TEP1: variants seen among roughly 807,000 people sequenced by gnomAD.
The protein encoded by TEP1 is telomerase protein component 1.
A neutral mutation model predicts 306.3 loss-of-function variants in TEP1; 241 were observed. The observed-to-expected ratio is 0.79, with a 90% CI of 0.71 to 0.88. The LOEUF (loss-of-function observed/expected upper bound fraction) is 0.88. Among genes scored for constraint, TEP1 ranks in the 40% least tolerant of loss-of-function variants. The pLI, the probability that TEP1 is intolerant of heterozygous loss-of-function variation, is 0.00. For synonymous variants in TEP1, 1,289 were observed against 1,305.5 expected (o/e 0.99, Z 0.27); for missense variants, 3,051 against 3,276.1 (o/e 0.93, Z 1.68).
Position 20,381,671 on chromosome 14 carries a change from G to A in TEP1, c.4440C>T (p.Gly1480=), listed in dbSNP as rs1440146703. 1 of 1,607,210 alleles carries A rather than the reference G, an allele frequency of 6.2e-7. No homozygotes were observed. The highest frequency in any genetic ancestry group is 8.5e-7 in the Non-Finnish European group (1 of 1,177,164). ...GCCGGGCACCAGGGCGCTCCAGAGG[G>A]CCCTCCCCTAGCAAACTGTCCTCGT... ...VQSLRSLLGE[G]PLERPGARLC... The change falls in exon 31 of 55, where the codon GGC becomes GGT. Residue 1480 remains glycine, a synonymous_variant. Coordinates refer to ENST00000262715, the MANE Select transcript of TEP1 (RefSeq NM_007110.5). This position sits in a 1 kb window ranked among gnomAD's most constrained non-coding sequence, Gnocchi z 4.0.
chr14:20,402,737 A>T (rs1379572665), intron 7 of TEP1, among the ~76,000 whole-genome samples: 1 of 152,206 alleles, frequency 6.6e-6, no homozygotes, highest in African/African-American at 2.4e-5. Flanking sequence ...TGCTACGTAC[A>T]ATACCTTATT....
At chr14:20,398,988 C>T (rs1878446405) in intron 9 of TEP1, among the ~76,000 whole-genome samples, 1 of 152,028 alleles carries the variant, frequency 6.6e-6, no homozygotes. Context: ...ACTTTCCAGG[C>T]TCAAGCAATC....
chr14:20,376,211 C>T lies in TEP1; in HGVS notation c.6142G>A (p.Ala2048Thr). ...TCAGTGCCACAGGGAAAGTCTTCTG[C>T]CTTGTGTGGCCGCGTCAGCAGCTGC... ...PRQLLTRPHK[A>T]EDFPCGTELR... Residue 2048 changes from alanine (A) to threonine (T), a missense_variant, in exon 42 of 55, where the codon GCA (alanine) becomes ACA (threonine). Ala to Thr is a moderately conservative substitution (Grantham distance 58). Around this residue, in one of 3 missense-constraint regions of TEP1, gnomAD observed 1,540 missense variants for 1,705.9 expected, o/e 0.90. Coordinates refer to ENST00000262715, the MANE Select transcript of TEP1 (RefSeq NM_007110.5). 1 of 1,614,180 alleles carries T rather than the reference C, an allele frequency of 6.2e-7. No individual in the cohort carries two copies. The highest frequency in any genetic ancestry group is 1.3e-5 in the African/African-American group (1 of 75,042).
Position 20,404,230 on chromosome 14 carries a change from C to T in TEP1, c.1033-346G>A, listed in dbSNP as rs147712532. 3.8e-3 allele frequency among the ~76,000 whole-genome samples: 573 copies of T among 152,128 alleles called. 4 individuals carry two copies. Among genetic ancestry groups the T allele is most frequent in the African/African-American group, 0.013 (544 of 41,490 alleles). ...ATTAGCCAGGCGTGGTGGCGCACGC[C>T]TGTAATCCCAGCTACTTGGGAGGCT... On this transcript the variant is annotated intron_variant, in intron 5 of 54. Coordinates refer to ENST00000262715, the MANE Select transcript of TEP1 (RefSeq NM_007110.5).
Position 20,403,789 on chromosome 14 carries a change from C to T in TEP1, c.1128G>A (p.Gln376=). Residue 376 remains glutamine (Q), a synonymous_variant, in exon 6 of 55, where the codon CAG becomes CAA. Coordinates refer to ENST00000262715, the MANE Select transcript of TEP1 (RefSeq NM_007110.5). ...TDKFAQFDEY[Q]LAKYNPRKHR... ...GCTTCCGAGGGTTGTACTTAGCCAG[C>T]TGGTACTCGTCAAACTGGGCAAATT... The T allele has an allele frequency of 1.2e-6, 2 of 1,614,106 alleles. No homozygotes were observed. Among genetic ancestry groups the T allele is most frequent in the Non-Finnish European group, 1.7e-6 (2 of 1,180,018 alleles).
chr14:20,369,667 C>A lies in TEP1; in HGVS notation c.7423+7G>T. 1.2e-6 allele frequency: 2 copies of A among 1,613,756 alleles called. No homozygotes were observed. Among genetic ancestry groups the A allele is most frequent in the Non-Finnish European group, 1.7e-6 (2 of 1,179,678 alleles). On this transcript the variant is annotated splice_region_variant and intron_variant, in intron 52 of 54. Transcript: ENST00000262715. Reference sequence around the variant, plus strand: ...CCGGCTCCTCAGGTCCTCCTGTTACCACTCACCAGATTCAGGTTTGGCTTG... The same window carrying A: ...CCGGCTCCTCAGGTCCTCCTGTTACAACTCACCAGATTCAGGTTTGGCTTG...
intron 10 of TEP1, 118 bp from the exon 11 acceptor site, chr14:20,396,067 G>A (rs1335276037): frequency 3.2e-6 from 2 of 626,366 alleles, no homozygotes; most frequent in African/African-American, 1.8e-5. Context: ...ACTTAGACAA[G>A]AGATATAGAA....
chr14:20,412,061 A>G lies in TEP1; in HGVS notation c.-25+1344T>C, dbSNP rs188089622. On this transcript the variant is annotated intron_variant, in intron 1 of 54. Transcript: ENST00000262715. ...GTCAACCACCTAAACTTAGTGTGAA[A>G]AAGCTTAGGGACAAAAGTACAGAAC... 1.1e-3 allele frequency among the ~76,000 whole-genome samples: 160 copies of G among 152,344 alleles called. 1 individual carries two copies. Among genetic ancestry groups the G allele is most frequent in the African/African-American group, 3.7e-3 (154 of 41,580 alleles).
In TEP1 at chr14:20,377,276, G is replaced by C. The variant is rs1885233725; in HGVS notation, c.6088+4C>G. The C allele has an allele frequency of 3.7e-6, 6 of 1,607,150 alleles. No individual in the cohort carries two copies. In the East Asian group the frequency reaches 6.7e-5, roughly 18 times the overall value. On this transcript the variant is annotated splice_donor_region_variant and intron_variant, in intron 41 of 54. Coordinates refer to ENST00000262715, the MANE Select transcript of TEP1 (RefSeq NM_007110.5). Reference sequence around the variant, plus strand: ...TGTTAACCCTGCCCACTGTCTAGTAGTACCTGAGGCAGAAGCCAAGAGCTC... The same window carrying C: ...TGTTAACCCTGCCCACTGTCTAGTACTACCTGAGGCAGAAGCCAAGAGCTC...
intron 1 of TEP1, among the ~76,000 whole-genome samples, chr14:20,409,771 A>G (rs1308143047): frequency 1.3e-5 from 2 of 152,196 alleles, no homozygotes; most frequent in Non-Finnish European, 2.9e-5. Flanking sequence ...CTGTAATCCC[A>G]GCACTTTGGG....
intron 12 of TEP1, among the ~76,000 whole-genome samples, chr14:20,395,231 T>C (rs1000260919): frequency 1.3e-5 from 2 of 152,086 alleles, no homozygotes. Flanking sequence ...TCACAGATAA[T>C]AGAGTGGAGG....
chr14:20,381,914 T>G lies in TEP1; in HGVS notation c.4423A>C (p.Ser1475Arg), dbSNP rs373625663. ...GGAGCTCTGCTGGGGCACCTGTACC[T>G]GCGCAGACTCTGGACGAGGCAGGCA... ...PFACLVQSLR[S>R]LLGEGPLERP... The change falls in exon 30 of 55, where the codon AGT becomes CGT. Residue 1475 changes from serine to arginine, a missense_variant and splice_region_variant. Coordinates refer to ENST00000262715, the MANE Select transcript of TEP1 (RefSeq NM_007110.5). This position sits in a 1 kb window ranked among gnomAD's most constrained non-coding sequence, Gnocchi z 4.0. 1 of 1,613,778 alleles carries G rather than the reference T, an allele frequency of 6.2e-7. No homozygotes were observed. The highest frequency in any genetic ancestry group is 8.5e-7 in the Non-Finnish European group (1 of 1,179,932).
At chr14:20,401,893 GA>G (rs1878788999) in intron 7 of TEP1, among the ~76,000 whole-genome samples, 2 of 152,156 alleles carry the variant, frequency 1.3e-5, no homozygotes, top group African/African-American at 4.8e-5. Context: ...TAGAGGAGGG[GA>G]AAGGGAAAAT....
At position 20,381,960 on chromosome 14, in the gene TEP1, G is replaced by T. The variant is rs745530291; in HGVS notation, c.4377C>A (p.Asp1459Glu). The change falls in exon 30 of 55, where the codon GAC becomes GAA. Residue 1459 changes from aspartate (D) to glutamate (E), a missense_variant. Physicochemically the swap from Asp to Glu is conservative, Grantham distance 45 (BLOSUM62 2). Coordinates refer to ENST00000262715, the MANE Select transcript of TEP1 (RefSeq NM_007110.5). The surrounding 1 kb of genome is among the most constrained non-coding windows in gnomAD (Gnocchi z 4.0). ...AGGCAAACGGGCCCATGGGGTAGGG[G>T]TCTCCACTGTTACCAGCAGCCACTG... ...EEAVAAGNSG[D>E]PYPMGPFACL... 1 of 1,614,132 alleles carries T rather than the reference G, an allele frequency of 6.2e-7. No individual in the cohort carries two copies. The highest frequency in any genetic ancestry group is 2.2e-5 in the East Asian group (1 of 44,884).
intron 1 of TEP1, among the ~76,000 whole-genome samples, chr14:20,411,298 T>G (rs1181163516): frequency 6.6e-6 from 1 of 152,160 alleles, no homozygotes; most frequent in Non-Finnish European, 1.5e-5. Context: ...CAAATTTTAT[T>G]TAGCTTATTA....
At position 20,401,592 on chromosome 14, in the gene TEP1, A is replaced by G. The variant is rs1042064587; in HGVS notation, c.1267-11T>C. ...ACCGGCCTTCTCAAACTGTGGAAAC[A>G]TCCCCAAGTCCCACAGGGGTCCTTT... On this transcript the variant is annotated splice_polypyrimidine_tract_variant and intron_variant, in intron 7 of 54. Coordinates refer to ENST00000262715, the MANE Select transcript of TEP1 (RefSeq NM_007110.5). 15 of 1,613,854 alleles carry G rather than the reference A, an allele frequency of 9.3e-6. No individual in the cohort carries two copies. In the Admixed American group the frequency reaches 1.0e-4, roughly 11 times the overall value.
rs572447720 is a variant in TEP1, at chr14:20,400,416, G to A, written c.1549+568C>T. Among the ~76,000 whole-genome samples the A allele has an allele frequency of 2.8e-5, 4 of 141,282 alleles. No individual in the cohort carries two copies. The South Asian group carries it at 9.7e-4, about 34-fold the overall frequency. 92.7% of individuals were successfully genotyped at this position (141,282 alleles called of 152,430 possible). On this transcript the variant is annotated intron_variant, in intron 9 of 54. Transcript: ENST00000262715. ...GCCTGGGCAACATTACAAAGACCTTGTCTCTAAAATTTAAAAAGAAAAGTA... is the reference window on the plus strand; with the variant it reads ...GCCTGGGCAACATTACAAAGACCTTATCTCTAAAATTTAAAAAGAAAAGTA...
Position 20,406,324 on chromosome 14 carries a change from T to A in TEP1, c.644A>T (p.Glu215Val), listed in dbSNP as rs1016528790. ...MPSYSLSLGE[E>V]EEVEDLAVKL... Reference sequence around the variant, plus strand: ...CACGGCCAGATCCTCCACCTCCTCCTCCTCTCCCAAGCTCAGACTATAAGA... The same window carrying A: ...CACGGCCAGATCCTCCACCTCCTCCACCTCTCCCAAGCTCAGACTATAAGA... The change falls in exon 3 of 55, where the codon GAG (glutamate) becomes GTG (valine). Residue 215 changes from glutamate to valine, a missense_variant. Coordinates refer to ENST00000262715, the MANE Select transcript of TEP1 (RefSeq NM_007110.5). 1.2e-6 allele frequency: 2 copies of A among 1,613,956 alleles called. No individual in the cohort carries two copies. Among genetic ancestry groups the A allele is most frequent in the Non-Finnish European group, 1.7e-6 (2 of 1,180,014 alleles).
Position 20,381,428 on chromosome 14 carries a change from T to G in TEP1, c.4559-27A>C. 6.2e-7 allele frequency: 1 copy of G among 1,613,772 alleles called. No homozygotes were observed. Among genetic ancestry groups the G allele is most frequent in the South Asian group, 1.1e-5 (1 of 91,088 alleles). On this transcript the variant is annotated intron_variant, in intron 31 of 54. Transcript: ENST00000262715. The surrounding 1 kb of genome is among the most constrained non-coding windows in gnomAD (Gnocchi z 4.0). ...TGCATGAACAGATATTGAGAAAGGC[T>G]CAGCCCTGCATCATTCCCAAGGGCA...
Sources: allele counts gnomAD v4.1 joint callset (sites outside exome capture counted in the v4.1 genomes callset), GRCh38; gene constraint gnomAD v4.1.1; regional missense constraint gnomAD v4.1.1; non-coding constraint Gnocchi (gnomAD v3.1); transcripts MANE v1.5; gene names NCBI Gene and HGNC (gene_info 2026-07-23, HGNC 2026-07-21).